RAB38: variants seen among roughly 807,000 people sequenced by gnomAD.
RAB38 encodes RAB38, member RAS oncogene family, also known as ras-related protein Rab-38.
Under a neutral mutation model 18.4 loss-of-function variants are expected in RAB38, and 15 were observed. The ratio of observed to expected loss-of-function variants is 0.82; its 90% CI spans 0.55 to 1.26. RAB38 has a LOEUF of 1.26. Among genes scored for constraint, RAB38 ranks in the 50% most tolerant of loss-of-function variants. The pLI is 0.00. For synonymous variants in RAB38, 101 were observed against 104.4 expected (o/e 0.97, Z 0.20); for missense variants, 294 against 267.4 (o/e 1.10, Z -0.69).
At chr11:87,813,311 G>A in the RAB38 span, among the ~76,000 whole-genome samples, 14 of 152,304 alleles carry the variant, frequency 9.2e-5, no homozygotes, top group African/African-American at 1.4e-4. Flanking sequence ...AGATAATACA[G>A]TGTGTTGATA....
chr11:88,090,140 T>G, the RAB38 span, among the ~76,000 whole-genome samples: 1 of 151,986 alleles, frequency 6.6e-6, no homozygotes, highest in African/African-American at 2.4e-5. Context: ...CTCTTCTCAT[T>G]TCCCTTCCTT....
At chr11:88,098,811 T>C in the RAB38 span, 5 of 152,066 alleles carry the variant, frequency 3.3e-5, no homozygotes, top group East Asian at 9.7e-4. Context: ...GCATCCTATA[T>C]GTTGCTTATA....
chr11:88,140,218 A>G (rs1157490041), intron 2 of RAB38, among the ~76,000 whole-genome samples: 1 of 152,104 alleles, frequency 6.6e-6, no homozygotes, highest in Non-Finnish European at 1.5e-5. Flanking sequence ...CTCCATCCAC[A>G]CTGCAGGGCA....
At chr11:87,877,898 T>C in the RAB38 span, among the ~76,000 whole-genome samples, 5 of 151,536 alleles carry the variant, frequency 3.3e-5, no homozygotes, top group Non-Finnish European at 7.4e-5. Flanking sequence ...TATCTTCTTG[T>C]AGAGTGCATG....
At chr11:88,121,946 CTTCT>C (rs1465492611) in intron 2 of RAB38, among the ~76,000 whole-genome samples, 1 of 152,180 alleles carries the variant, frequency 6.6e-6, no homozygotes, top group Admixed American at 6.6e-5. Flanking sequence ...TTGGCTACTG[CTTCT>C]TTCTAAATCG....
the RAB38 span, among the ~76,000 whole-genome samples, chr11:88,038,618 C>G: frequency 6.6e-6 from 1 of 152,140 alleles, no homozygotes; most frequent in Admixed American, 6.5e-5. Context: ...AAATAGAACA[C>G]ACAACTTTAC....
the RAB38 span, among the ~76,000 whole-genome samples, chr11:87,873,221 A>C: frequency 4.0e-5 from 6 of 151,686 alleles, no homozygotes; most frequent in East Asian, 1.2e-3. Context: ...ATCTTTTCAT[A>C]TGCTTACTTG....
chr11:87,952,152 C>G, the RAB38 span, among the ~76,000 whole-genome samples: 8 of 152,060 alleles, frequency 5.3e-5, no homozygotes, highest in South Asian at 8.3e-4. Context: ...AGGGATCCAT[C>G]GGGAGGGTGG....
chr11:88,101,333 A>G, the RAB38 span, among the ~76,000 whole-genome samples: 1 of 151,976 alleles, frequency 6.6e-6, no homozygotes, highest in African/African-American at 2.4e-5. Flanking sequence ...AATTGAGTAA[A>G]CAAACATTTA....
At chr11:88,077,354 TA>T in the RAB38 span, among the ~76,000 whole-genome samples, 17 of 151,858 alleles carry the variant, frequency 1.1e-4, no homozygotes, top group African/African-American at 3.9e-4. Flanking sequence ...CAATCCTGAT[TA>T]AAAAAAACAA....
At chr11:88,052,246 G>A in the RAB38 span, among the ~76,000 whole-genome samples, 1 of 152,090 alleles carries the variant, frequency 6.6e-6, no homozygotes, top group Non-Finnish European at 1.5e-5. Context: ...AACTTCTCCA[G>A]CCTGAATAAC....
At chr11:88,104,445 T>C in the RAB38 span, among the ~76,000 whole-genome samples, 1 of 152,160 alleles carries the variant, frequency 6.6e-6, no homozygotes, top group Non-Finnish European at 1.5e-5. Context: ...ATGTGTCATT[T>C]GAGTCATGGT....
the RAB38 span, among the ~76,000 whole-genome samples, chr11:87,959,177 G>A: frequency 6.6e-6 from 1 of 152,066 alleles, no homozygotes; most frequent in Admixed American, 6.6e-5. Context: ...TGTTTGATAA[G>A]GAATTAATGA....
intron 2 of RAB38, among the ~76,000 whole-genome samples, chr11:88,117,921 C>T (rs1007243259): frequency 6.6e-5 from 10 of 152,178 alleles, no homozygotes; most frequent in African/African-American, 2.4e-4. Context: ...ATCAGAAGAA[C>T]ACAATGTGTG....
the RAB38 span, among the ~76,000 whole-genome samples, chr11:87,862,139 G>A: frequency 6.6e-6 from 1 of 151,946 alleles, no homozygotes; most frequent in Non-Finnish European, 1.5e-5. Flanking sequence ...AATACCATTT[G>A]ACCCAGCAAT....
the RAB38 span, among the ~76,000 whole-genome samples, chr11:87,973,193 G>A: frequency 0.017 from 2,537 of 151,976 alleles, 71 homozygotes; most frequent in East Asian, 0.13. Flanking sequence ...GAAAATGTAG[G>A]GAGGAGCTAA....
At chr11:88,134,944 T>C (rs1942814915) in intron 2 of RAB38, among the ~76,000 whole-genome samples, 1 of 152,230 alleles carries the variant, frequency 6.6e-6, no homozygotes. Context: ...TTGCTCACTC[T>C]GCTCCATCTT....
At chr11:88,084,219 A>G in the RAB38 span, among the ~76,000 whole-genome samples, 4 of 151,824 alleles carry the variant, frequency 2.6e-5, no homozygotes, top group Non-Finnish European at 4.4e-5. Flanking sequence ...GTTACCAGTA[A>G]TAGGGAAATT....
chr11:87,821,972 T>C, the RAB38 span, among the ~76,000 whole-genome samples: 1 of 152,122 alleles, frequency 6.6e-6, no homozygotes, highest in Non-Finnish European at 1.5e-5. Flanking sequence ...ATGGCTTTTG[T>C]ATTTCTTAGC....
Sources: allele counts gnomAD v4.1 joint callset (sites outside exome capture counted in the v4.1 genomes callset), GRCh38; gene constraint gnomAD v4.1.1; transcripts MANE v1.5; gene names NCBI Gene and HGNC (gene_info 2026-07-23, HGNC 2026-07-21).